MLIP: variants seen among roughly 807,000 people sequenced by gnomAD.
MLIP encodes the protein muscular LMNA-interacting protein.
Under a neutral mutation model 84.8 loss-of-function variants are expected in MLIP, and 79 were observed. The observed-to-expected ratio is 0.93, with a 90% CI of 0.78 to 1.12. MLIP has a LOEUF of 1.12. MLIP is among the 50% of genes most tolerant of loss of function. MLIP has a pLI of 0.00. For missense variants in MLIP, 1,257 were observed against 1,160.6 expected, an observed-to-expected ratio of 1.08 and a Z score of -1.21; for synonymous variants, 504 against 463.0, an observed-to-expected ratio of 1.09 and a Z score of -1.14.
upstream of MLIP, among the ~76,000 whole-genome samples, chr6:54,107,814 G>C (rs1769127215): frequency 6.6e-6 from 1 of 152,150 alleles, no homozygotes; most frequent in Non-Finnish European, 1.5e-5. Flanking sequence ...CTCAATAGAT[G>C]TTTATTAAGA....
intron 4 of MLIP, among the ~76,000 whole-genome samples, chr6:54,144,300 G>A (rs1309115067): frequency 6.6e-6 from 1 of 152,200 alleles, no homozygotes; most frequent in Non-Finnish European, 1.5e-5. Flanking sequence ...TCTCTGCCCA[G>A]GAATGCTTCT....
chr6:54,069,241 G>A (rs1313281279), intron 1 of MLIP, among the ~76,000 whole-genome samples: 1 of 101,274 alleles, frequency 9.9e-6, no homozygotes, highest in African/African-American at 2.5e-5. Context: ...TCTAGGAGAT[G>A]TATTTGTTTC....
intron 5 of MLIP, among the ~76,000 whole-genome samples, chr6:54,159,640 T>C (rs1191691276): frequency 6.6e-6 from 1 of 151,950 alleles, no homozygotes; most frequent in Non-Finnish European, 1.5e-5. Flanking sequence ...CCAGCAGACG[T>C]ATTAGATGAG....
At chr6:54,027,328 A>G (rs1189440950) in intron 1 of MLIP, among the ~76,000 whole-genome samples, 1 of 151,082 alleles carries the variant, frequency 6.6e-6, no homozygotes, top group Non-Finnish European at 1.5e-5. Context: ...CTCACACTTA[A>G]CCTAAAATAA....
intron 12 of MLIP, among the ~76,000 whole-genome samples, chr6:54,239,703 C>G (rs1369806605): frequency 6.6e-6 from 1 of 151,824 alleles, no homozygotes; most frequent in South Asian, 2.1e-4. Context: ...AGGAGAATCA[C>G]TTGAACCCAG....
chr6:54,266,052 T>G lies in MLIP; in HGVS notation c.*97T>G. The G allele has an allele frequency of 1.6e-6, 2 of 1,257,466 alleles. No homozygotes were observed. Among genetic ancestry groups the G allele is most frequent in the Non-Finnish European group, 2.3e-6 (2 of 877,308 alleles). The allele number at this position is 1,257,466 out of a possible 1,614,324, so 77.9% of individuals were successfully genotyped here. ...TTAACTTTTTTTTTTTTTTCCAGAA[T>G]GAGTGCTCCCTTTATGAGCTGCAGT... On this transcript the variant is annotated 3_prime_UTR_variant, in exon 14 of 14. Coordinates refer to ENST00000502396, the MANE Select transcript of MLIP (RefSeq NM_001281747.2).
Position 54,136,862 on chromosome 6 carries a change from G to C in MLIP, c.793G>C (p.Asp265His). Reference sequence around the variant, plus strand: ...AGAGGAGTTCCACACTAGGAGGCTGGATGTCGGTGGGGCCGTGGTGGAAGA... The same window carrying C: ...AGAGGAGTTCCACACTAGGAGGCTGCATGTCGGTGGGGCCGTGGTGGAAGA... ...VLEEFHTRRL[D>H]VGGAVVEESA... is the part of the protein sequence containing the mutation. Residue 265 changes from aspartate (D) to histidine (H), a missense_variant, in exon 4 of 14, where the codon GAT becomes CAT. Transcript: ENST00000502396. 6.5e-7 allele frequency: 1 copy of C among 1,535,230 alleles called. No individual in the cohort carries two copies. Among genetic ancestry groups the C allele is most frequent in the East Asian group, 2.4e-5 (1 of 40,890 alleles).
intron 11 of MLIP, among the ~76,000 whole-genome samples, chr6:54,203,334 T>C (rs1041311969): frequency 2.6e-5 from 4 of 152,244 alleles, no homozygotes; most frequent in Middle Eastern, 3.4e-3. Flanking sequence ...GAAAACTTTC[T>C]GAATACAGTC....
At chr6:54,172,849 A>G (rs1007696402) in intron 9 of MLIP, among the ~76,000 whole-genome samples, 4 of 151,748 alleles carry the variant, frequency 2.6e-5, no homozygotes, top group African/African-American at 7.2e-5. Context: ...ACACTAATTC[A>G]GACTAATTAA....
chr6:54,126,852 TG>T (rs141742854), intron 3 of MLIP, among the ~76,000 whole-genome samples: 1,839 of 152,236 alleles, frequency 0.012, 45 homozygotes, highest in African/African-American at 0.04. Context: ...TATATAGAAT[TG>T]TCTGTAAATT....
At chr6:54,187,741 G>A (rs1401452788) in intron 9 of MLIP, among the ~76,000 whole-genome samples, 2 of 152,120 alleles carry the variant, frequency 1.3e-5, no homozygotes, top group Admixed American at 6.5e-5. Context: ...TAGGGAGATG[G>A]TCTGAAAAAC....
At chr6:54,209,181 C>T (rs529627220) in intron 11 of MLIP, among the ~76,000 whole-genome samples, 18 of 152,204 alleles carry the variant, frequency 1.2e-4, no homozygotes, top group African/African-American at 4.3e-4. Flanking sequence ...TAAAATATGA[C>T]AAGATGTACA....
chr6:54,055,032 C>T (rs1189396352), intron 1 of MLIP, among the ~76,000 whole-genome samples: 11 of 152,052 alleles, frequency 7.2e-5, no homozygotes, highest in African/African-American at 1.9e-4. Flanking sequence ...GGACTACAGG[C>T]GCCCGCCACC....
chr6:54,249,148 A>G (rs761934547), intron 12 of MLIP, among the ~76,000 whole-genome samples: 7 of 152,052 alleles, frequency 4.6e-5, no homozygotes, highest in Non-Finnish European at 7.4e-5. Flanking sequence ...TCAGTTATCA[A>G]TCAATAGATT....
At chr6:54,218,747 C>G (rs1205080274) in intron 11 of MLIP, among the ~76,000 whole-genome samples, 3 of 151,982 alleles carry the variant, frequency 2.0e-5, no homozygotes, top group Non-Finnish European at 4.4e-5. Context: ...AAGTCCTGAC[C>G]TCAGGTGATC....
In MLIP at chr6:54,253,676, T is replaced by C. The variant is rs184479230; in HGVS notation, c.2923-3632T>C. Among the ~76,000 whole-genome samples, 148 of 152,274 alleles carry C rather than the reference T, an allele frequency of 9.7e-4. 1 individual carries two copies. The highest frequency in any genetic ancestry group is 3.4e-3 in the African/African-American group (141 of 41,552). On this transcript the variant is annotated intron_variant, in intron 12 of 13. Transcript: ENST00000502396. ...ATCTCTTTGTGAGTGTGGTTTATAT[T>C]ACCTTGGAAGAGGCAGTGATATTTT... is the stretch of plus-strand genomic sequence containing the variant.
intron 1 of MLIP, among the ~76,000 whole-genome samples, chr6:54,022,248 T>C (rs1044484714): frequency 6.6e-6 from 1 of 152,214 alleles, no homozygotes; most frequent in African/African-American, 2.4e-5. Flanking sequence ...CGTATCTGTA[T>C]TGTAATATAC....
chr6:54,129,935 T>C (rs931008570), intron 3 of MLIP, among the ~76,000 whole-genome samples: 1 of 152,164 alleles, frequency 6.6e-6, no homozygotes, highest in African/African-American at 2.4e-5. Flanking sequence ...CCCTACATTC[T>C]TTTAGGCAAT....
chr6:54,104,971 C>T (rs1359978409), intron 1 of MLIP, among the ~76,000 whole-genome samples: 1 of 152,052 alleles, frequency 6.6e-6, no homozygotes, highest in African/African-American at 2.4e-5. Flanking sequence ...TTTATTTGAC[C>T]ACAAAAACCC....
Sources: allele counts gnomAD v4.1 joint callset (sites outside exome capture counted in the v4.1 genomes callset), GRCh38; gene constraint gnomAD v4.1.1; transcripts MANE v1.5; gene names NCBI Gene and HGNC (gene_info 2026-07-23, HGNC 2026-07-21).